Variants in ITGB8 observed in about 807,000 individuals in gnomAD.
ITGB8 encodes integrin beta-8.
ITGB8 carries 30 observed loss-of-function variants against 89.5 expected under a neutral mutation model. The observed-to-expected ratio is 0.34, with a 90% CI of 0.25 to 0.45. The LOEUF (loss-of-function observed/expected upper bound fraction) is 0.45. Ranked by LOEUF, ITGB8 falls within the 20% of genes least tolerant of loss-of-function variation. The pLI is 1.00. For missense variants in ITGB8, 836 were observed against 933.3 expected (o/e 0.90, Z 1.36); for synonymous variants, 335 against 320.4 (o/e 1.05, Z -0.49).
chr7:20,415,190 C>A lies in ITGB8; in HGVS notation c.*5193C>A, dbSNP rs538600850. The stretch of plus-strand genomic sequence containing the variant: ...AATTATAAGAAAATATACATTTGCA[C>A]ATATTAATATAGAAATTCATTTTGT... On this transcript the variant is annotated 3_prime_UTR_variant, in exon 14 of 14. Transcript: ENST00000222573. 6.6e-6 allele frequency: 1 copy of A among 152,140 alleles called. No homozygotes were observed. The highest frequency in any genetic ancestry group is 2.1e-4 in the South Asian group (1 of 4,818). The allele number at this position is 152,140 out of a possible 1,614,324, so 9.4% of individuals were successfully genotyped here.
At chr7:20,356,696 T>A (rs1785306645) in intron 1 of ITGB8, among the ~76,000 whole-genome samples, 1 of 152,204 alleles carries the variant, frequency 6.6e-6, no homozygotes, top group African/African-American at 2.4e-5. Context: ...AGTACTACAG[T>A]CTTTGTCAGT....
At chr7:20,409,452 G>C (rs1177481257) in intron 12 of ITGB8, among the ~76,000 whole-genome samples, 163 bp from the exon 13 acceptor site, 1 of 152,178 alleles carries the variant, frequency 6.6e-6, no homozygotes, top group Non-Finnish European at 1.5e-5. Context: ...AAATTAGAGA[G>C]CTTTTTGTTT....
At chr7:20,352,170 G>C (rs1785136196) in intron 1 of ITGB8, 1 of 152,212 alleles carries the variant, frequency 6.6e-6, no homozygotes, top group Non-Finnish European at 1.5e-5. Flanking sequence ...CCACTGAGGG[G>C]CCTTGGGGGC....
chr7:20,364,649 T>C (rs1188010740), intron 2 of ITGB8: 2 of 152,346 alleles, frequency 1.3e-5, no homozygotes, highest in Admixed American at 6.5e-5. Flanking sequence ...CCAGATGTCA[T>C]TCATGAACTA....
At chr7:20,396,159 C>T (rs1013013464) in intron 8 of ITGB8, among the ~76,000 whole-genome samples, 7 of 152,152 alleles carry the variant, frequency 4.6e-5, no homozygotes, top group Non-Finnish European at 7.3e-5. Context: ...AGAACTTAGG[C>T]CGGGCGCGGT....
upstream of ITGB8, among the ~76,000 whole-genome samples, chr7:20,330,370 G>C (rs937134031): frequency 6.6e-6 from 1 of 152,218 alleles, no homozygotes. Context: ...CTGCGGGGCA[G>C]TGAGTATCTC....
At chr7:20,385,819 G>A (rs1462757975) in intron 6 of ITGB8, among the ~76,000 whole-genome samples, 2 of 152,006 alleles carry the variant, frequency 1.3e-5, no homozygotes, top group African/African-American at 2.4e-5. Flanking sequence ...GTTAACAAAC[G>A]TTCATAACAC....
chr7:20,387,625 A>C (rs1214974433), intron 6 of ITGB8, among the ~76,000 whole-genome samples: 1 of 152,206 alleles, frequency 6.6e-6, no homozygotes, highest in Non-Finnish European at 1.5e-5. Context: ...TGACTGTCAT[A>C]ACTGTGGAAA....
At chr7:20,382,605 C>G (rs1786443624) in intron 6 of ITGB8, among the ~76,000 whole-genome samples, 1 of 152,196 alleles carries the variant, frequency 6.6e-6, no homozygotes, top group African/African-American at 2.4e-5. Context: ...CCAACTTTCT[C>G]AGTTCATGAG....
At chr7:20,378,231 C>A (rs915685288) in intron 3 of ITGB8, among the ~76,000 whole-genome samples, 1 of 152,182 alleles carries the variant, frequency 6.6e-6, no homozygotes, top group South Asian at 2.1e-4. Flanking sequence ...TAGTTCCCTG[C>A]GGGGACTACC....
intron 1 of ITGB8, among the ~76,000 whole-genome samples, chr7:20,342,580 C>T (rs2128127915): frequency 6.6e-6 from 1 of 152,218 alleles, no homozygotes; most frequent in South Asian, 2.1e-4. Flanking sequence ...AGAGGTGCCA[C>T]ATAAACACTG....
chr7:20,401,855 G>A lies in ITGB8; in HGVS notation c.1416G>A (p.Glu472=). 6.2e-7 allele frequency: 1 copy of A among 1,614,028 alleles called. No individual in the cohort carries two copies. Among genetic ancestry groups the A allele is most frequent in the Non-Finnish European group, 8.5e-7 (1 of 1,179,994 alleles). ...HIHRNCSCQC[E]DNRGPKGKCV... ...ACAGAAACTGCAGCTGTCAGTGTGAGGACAACAGAGGACCTAAAGGAAAGT... is the reference window on the plus strand; with the variant it reads ...ACAGAAACTGCAGCTGTCAGTGTGAAGACAACAGAGGACCTAAAGGAAAGT... The change falls in exon 10 of 14, where the codon GAG becomes GAA. Residue 472 remains glutamate (E), a synonymous_variant. Coordinates refer to ENST00000222573, the MANE Select transcript of ITGB8 (RefSeq NM_002214.3).
intron 10 of ITGB8, among the ~76,000 whole-genome samples, chr7:20,402,673 C>T (rs1478734643): frequency 3.9e-5 from 6 of 152,106 alleles, no homozygotes; most frequent in Non-Finnish European, 8.8e-5. Context: ...AACAAAACTG[C>T]CAAAGGACAG....
chr7:20,404,559 C>T, intron 10 of ITGB8, 69 bp from the exon 11 acceptor site: 3 of 1,313,066 alleles, frequency 2.3e-6, no homozygotes, highest in Admixed American at 1.9e-5. Flanking sequence ...ATACAGGAAT[C>T]CATGGTTGAA....
rs888567373 is a variant in ITGB8, at chr7:20,412,157, T to C, written c.*2160T>C. On this transcript the variant is annotated 3_prime_UTR_variant, in exon 14 of 14. Coordinates refer to ENST00000222573, the MANE Select transcript of ITGB8 (RefSeq NM_002214.3). ...GAACTGAAAAACCTATAATAAGTTG[T>C]TCTGGAGCCAATAAACACAGCAGCT... The C allele has an allele frequency of 6.5e-6, 1 of 152,706 alleles. No individual in the cohort carries two copies. Among genetic ancestry groups the C allele is most frequent in the East Asian group, 1.9e-4 (1 of 5,184 alleles). 9.5% of individuals were successfully genotyped at this position (152,706 alleles called of 1,614,324 possible).
intron 1 of ITGB8, among the ~76,000 whole-genome samples, chr7:20,345,666 G>C (rs751815226): frequency 6.6e-6 from 1 of 152,174 alleles, no homozygotes; most frequent in Non-Finnish European, 1.5e-5. Context: ...GACTGGTAGT[G>C]GCAGATTGTT....
rs995270255 is a variant in ITGB8 at position 20,353,800 on chromosome 7, C to T, written c.128-9837C>T. ...TACAAAAATTAGCCAGGCGTGGTGG[C>T]GCGCGCCTGTAGTCCCAGCTACACG... On this transcript the variant is annotated intron_variant, in intron 1 of 13. Transcript: ENST00000222573. Among the ~76,000 whole-genome samples the T allele has an allele frequency of 5.3e-5, 8 of 150,148 alleles. 1 individual carries two copies. The highest frequency in any genetic ancestry group is 1.7e-4 in the African/African-American group (7 of 40,156).
chr7:20,348,667 G>C (rs1785009268), intron 1 of ITGB8, among the ~76,000 whole-genome samples: 2 of 152,178 alleles, frequency 1.3e-5, no homozygotes, highest in Admixed American at 6.5e-5. Flanking sequence ...CCTTGAGCAA[G>C]GTGATGAATA....
At chr7:20,383,663 T>G (rs1455452125) in intron 6 of ITGB8, among the ~76,000 whole-genome samples, 1 of 152,208 alleles carries the variant, frequency 6.6e-6, no homozygotes, top group East Asian at 1.9e-4. Flanking sequence ...AGGGAGGATT[T>G]CCTAGGCAAA....
Sources: allele counts gnomAD v4.1 joint callset (sites outside exome capture counted in the v4.1 genomes callset), GRCh38; gene constraint gnomAD v4.1.1; transcripts MANE v1.5; gene names NCBI Gene and HGNC (gene_info 2026-07-23, HGNC 2026-07-21).